The following HELZ variants were observed in gnomAD, a reference collection of about 807,000 sequenced individuals.
The protein encoded by HELZ is ATP-dependent RNA helicase with zinc finger domain.
A neutral mutation model predicts 218.2 loss-of-function variants in HELZ; 23 were observed. That is an observed-to-expected ratio of 0.11 (90% confidence interval 0.08 to 0.15). The LOEUF (loss-of-function observed/expected upper bound fraction) is 0.15, where lower values mean the gene tolerates loss of function less well. Among genes scored for constraint, HELZ ranks in the 10% least tolerant of loss-of-function variants. HELZ has a pLI of 1.00. For synonymous variants in HELZ, 814 were observed against 829.4 expected (o/e 0.98, Z 0.32); for missense variants, 1,813 against 2,353.7 (o/e 0.77, Z 4.75).
At chr17:67,190,402 A>AT in intron 9 of HELZ, 47 bp from the exon 10 acceptor site, 1 of 1,441,344 alleles carries the variant, frequency 6.9e-7, no homozygotes, top group Non-Finnish European at 9.7e-7. Context: ...TTGTTGAACC[A>AT]TTTAAAAATA....
At chr17:67,103,712 G>C (rs2036999831) in intron 31 of HELZ, among the ~76,000 whole-genome samples, 2 of 152,108 alleles carry the variant, frequency 1.3e-5, no homozygotes, top group Non-Finnish European at 2.9e-5. Context: ...TTAAATGTCA[G>C]CTGGCTTTTT....
chr17:67,187,382 CT>C (rs1447033842), intron 12 of HELZ, among the ~76,000 whole-genome samples: 5 of 152,072 alleles, frequency 3.3e-5, no homozygotes, highest in African/African-American at 1.2e-4. Context: ...TTGTTTCAAC[CT>C]TACTAGCAGC....
intron 12 of HELZ, among the ~76,000 whole-genome samples, chr17:67,182,421 G>A (rs549003717): frequency 6.6e-6 from 1 of 152,186 alleles, no homozygotes; most frequent in South Asian, 2.1e-4. Flanking sequence ...TTCTAGCCTG[G>A]GTGACAAAGC....
At chr17:67,149,808 T>C (rs2038617940) in intron 19 of HELZ, 59 bp downstream of exon 19, 6 of 951,968 alleles carry the variant, frequency 6.3e-6, no homozygotes, top group South Asian at 6.3e-5. Flanking sequence ...AAATAGAATA[T>C]TAAACATCAA....
At chr17:67,135,296 G>T (rs1048325541) in intron 23 of HELZ, among the ~76,000 whole-genome samples, 1 of 152,082 alleles carries the variant, frequency 6.6e-6, no homozygotes, top group Non-Finnish European at 1.5e-5. Context: ...ACTACAGAAG[G>T]AAATTCATCA....
At chr17:67,151,902 A>C (rs1460822588) in intron 17 of HELZ, among the ~76,000 whole-genome samples, 1 of 152,160 alleles carries the variant, frequency 6.6e-6, no homozygotes, top group African/African-American at 2.4e-5. Flanking sequence ...CCCATCTCTA[A>C]CCTACCCATG....
At chr17:67,133,719 T>A (rs1392968606) in intron 23 of HELZ, among the ~76,000 whole-genome samples, 1 of 152,168 alleles carries the variant, frequency 6.6e-6, no homozygotes, top group Non-Finnish European at 1.5e-5. Flanking sequence ...TTTGCCATGT[T>A]GCCCAGGGTG....
chr17:67,231,659 C>T (rs1438462249), intron 3 of HELZ, among the ~76,000 whole-genome samples: 1 of 150,520 alleles, frequency 6.6e-6, no homozygotes, highest in African/African-American at 2.4e-5. Context: ...GCCGTGGAAA[C>T]CTAAGACATT....
chr17:67,092,794 A>G (rs1024480348), intron 31 of HELZ, among the ~76,000 whole-genome samples: 21 of 151,996 alleles, frequency 1.4e-4, no homozygotes, highest in African/African-American at 4.6e-4. Flanking sequence ...GTGAAACCCC[A>G]TCTCTACTAA....
chr17:67,212,865 G>C (rs1199855596), intron 5 of HELZ, among the ~76,000 whole-genome samples: 1 of 152,020 alleles, frequency 6.6e-6, no homozygotes, highest in Non-Finnish European at 1.5e-5. Context: ...TGAGATTAGT[G>C]GGTCAAAGGG....
rs1459650663 is a variant in HELZ, at chr17:67,074,147, C to T, written c.*4105G>A. 1 of 151,684 alleles carries T rather than the reference C, an allele frequency of 6.6e-6. No individual in the cohort carries two copies. The highest frequency in any genetic ancestry group is 2.4e-5 in the African/African-American group (1 of 41,274). The allele number at this position is 151,684 out of a possible 1,614,324, so 9.4% of individuals were successfully genotyped here. A position where few individuals can be genotyped will look rare whatever the true frequency, so the allele number is the denominator to read the frequency against. The stretch of plus-strand genomic sequence containing the variant: ...TTGAGATTCAGGAAGACATATAGCG[C>T]GGCAGTAGAAATTAAGGATTTTCAT... On this transcript the variant is annotated 3_prime_UTR_variant, in exon 33 of 33. Transcript: ENST00000358691.
chr17:67,118,836 T>C (rs1281059707), intron 27 of HELZ, among the ~76,000 whole-genome samples: 3 of 149,292 alleles, frequency 2.0e-5, no homozygotes, highest in Non-Finnish European at 3.0e-5. Flanking sequence ...AAGTGGGCAA[T>C]AGATATAAAT....
chr17:67,128,452 TAACATTAAGCATGACTA>T (rs1321163888), intron 24 of HELZ, 182 bp downstream of exon 24: 1 of 592,380 alleles, frequency 1.7e-6, no homozygotes, highest in Non-Finnish European at 3.0e-6. Context: ...AGAATGATCA[TAACATTAAGCATGACTA>T]AACACCATAC....
chr17:67,089,668 T>TATATATATATATAGAGAGAG (rs71293575), intron 31 of HELZ, among the ~76,000 whole-genome samples: 23 of 70,634 alleles, frequency 3.3e-4, no homozygotes, highest in African/African-American at 7.2e-4. Flanking sequence ...TATATATATA[T>TATATATATATATAGAGAGAG]AGAGAGAGAG....
chr17:67,141,285 A>G (rs2038314386), intron 21 of HELZ, among the ~76,000 whole-genome samples: 1 of 152,178 alleles, frequency 6.6e-6, no homozygotes, highest in Non-Finnish European at 1.5e-5. Context: ...TAACAACGTA[A>G]TGTTTGACAG....
chr17:67,187,997 C>G (rs1213097568), intron 12 of HELZ, among the ~76,000 whole-genome samples: 1 of 152,096 alleles, frequency 6.6e-6, no homozygotes, highest in Admixed American at 6.6e-5. Flanking sequence ...ATATTCTACC[C>G]AAACTAATAT....
intron 3 of HELZ, among the ~76,000 whole-genome samples, chr17:67,237,196 A>T (rs2041207056): frequency 1.3e-5 from 2 of 152,132 alleles, no homozygotes; most frequent in South Asian, 4.2e-4. Context: ...GAGGCAAGAG[A>T]ATCGCTTGAA....
chr17:67,219,557 CAG>C (rs988694369), intron 3 of HELZ, among the ~76,000 whole-genome samples: 11 of 152,174 alleles, frequency 7.2e-5, no homozygotes, highest in African/African-American at 2.2e-4. Flanking sequence ...GTGAGCTTTT[CAG>C]AGAGACGAGT....
At chr17:67,130,130 T>A (rs1238572033) in intron 23 of HELZ, among the ~76,000 whole-genome samples, 2 of 152,174 alleles carry the variant, frequency 1.3e-5, no homozygotes, top group Non-Finnish European at 2.9e-5. Flanking sequence ...CTTTCCTAGT[T>A]TTTTGAAGAT....
Sources: gnomAD v4.1 joint callset for allele counts (sites outside exome capture counted in the v4.1 genomes callset) on GRCh38, gnomAD v4.1.1 for gene constraint, MANE v1.5 for transcripts, NCBI Gene and HGNC (gene_info 2026-07-23, HGNC 2026-07-21) for gene names.